GATAD2A: variants seen among roughly 807,000 people sequenced by gnomAD.
GATAD2A encodes GATA zinc finger domain containing 2A.
GATAD2A carries 12 observed loss-of-function variants against 68.5 expected under a neutral mutation model. The observed-to-expected ratio is 0.18, with a 90% confidence interval of 0.11 to 0.28. The LOEUF (loss-of-function observed/expected upper bound fraction) is 0.28, where lower values mean the gene tolerates loss of function less well. Among genes scored for constraint, GATAD2A ranks in the 10% least tolerant of loss-of-function variants. GATAD2A has a pLI of 1.00. For missense variants in GATAD2A, 755 were observed against 868.5 expected, an observed-to-expected ratio of 0.87 and a Z score of 1.64; for synonymous variants, 410 against 375.3, an observed-to-expected ratio of 1.09 and a Z score of -1.07.
intron 11 of GATAD2A, among the ~76,000 whole-genome samples, chr19:19,504,629 GTTTTTTTTTCCTTTTTTT>G (rs1023259194): frequency 6.9e-6 from 1 of 144,018 alleles, no homozygotes; most frequent in Non-Finnish European, 1.5e-5. Flanking sequence ...GTAGGAGATA[GTTTTTTTTTCCTTTTTTT>G]TTTTTTTTTT....
At chr19:19,408,451 T>A (rs1053228532) in intron 1 of GATAD2A, among the ~76,000 whole-genome samples, 2 of 152,250 alleles carry the variant, frequency 1.3e-5, no homozygotes, top group African/African-American at 4.8e-5. Context: ...TGTACCAGAA[T>A]GTCAATAAAG....
chr19:19,434,905 C>G (rs138312790), intron 1 of GATAD2A, among the ~76,000 whole-genome samples: 1 of 152,144 alleles, frequency 6.6e-6, no homozygotes, highest in Non-Finnish European at 1.5e-5. Context: ...GGGTGAAGTC[C>G]GCTCATTCCC....
intron 4 of GATAD2A, among the ~76,000 whole-genome samples, chr19:19,492,951 T>C (rs1273923268): frequency 6.6e-6 from 1 of 151,762 alleles, no homozygotes; most frequent in Admixed American, 6.6e-5. Context: ...CTTTTTTTTT[T>C]TTTTTTTTGA....
chr19:19,417,250 C>T (rs2051760194), intron 1 of GATAD2A, among the ~76,000 whole-genome samples: 1 of 152,134 alleles, frequency 6.6e-6, no homozygotes, highest in Non-Finnish European at 1.5e-5. Context: ...GGATGAGTGA[C>T]AGGGGTGCAG....
chr19:19,502,058 G>A lies in GATAD2A; in HGVS notation c.1578+15G>A. The A allele has an allele frequency of 6.2e-7, 1 of 1,604,284 alleles. No individual in the cohort carries two copies. The highest frequency in any genetic ancestry group is 8.5e-7 in the Non-Finnish European group (1 of 1,172,286). ...CTGTGCTACAGGTCAGAACCGCACT[G>A]GGCGCCGGGAGCCTCGCGCCCCCAC... On this transcript the variant is annotated intron_variant, in intron 10 of 11. Coordinates refer to ENST00000683918, the MANE Select transcript of GATAD2A (RefSeq NM_001384528.1).
intron 1 of GATAD2A, among the ~76,000 whole-genome samples, chr19:19,391,253 G>T (rs1215309769): frequency 2.6e-5 from 4 of 152,084 alleles, no homozygotes; most frequent in African/African-American, 9.7e-5. Flanking sequence ...GCCCCTGGTG[G>T]GCTGCTCCTA....
chr19:19,502,284 G>A (rs777223407), intron 10 of GATAD2A, 47 bp from the exon 11 acceptor site: 1 of 1,416,144 alleles, frequency 7.1e-7, no homozygotes, highest in Non-Finnish European at 9.8e-7. Context: ...CTCGCCTGCT[G>A]CTGTCTTTTC....
intron 1 of GATAD2A, among the ~76,000 whole-genome samples, chr19:19,387,004 C>A (rs2048482401): frequency 6.6e-6 from 1 of 152,092 alleles, no homozygotes; most frequent in East Asian, 1.9e-4. Context: ...TCTGAGGGAC[C>A]CCTGCCTCTT....
chr19:19,455,654 T>C (rs1214400742), intron 1 of GATAD2A, among the ~76,000 whole-genome samples: 1 of 152,126 alleles, frequency 6.6e-6, no homozygotes, highest in African/African-American at 2.4e-5. Context: ...TATGGAAGGA[T>C]GTACGTAGGT....
At chr19:19,492,559 C>T (rs771955845) in intron 3 of GATAD2A, 22 bp from the exon 4 acceptor site, 26 of 1,613,986 alleles carry the variant, frequency 1.6e-5, no homozygotes, top group Non-Finnish European at 2.1e-5. Flanking sequence ...CCCTCTCAAC[C>T]CTGTTCCTCT....
chr19:19,451,766 A>T (rs2147828003), intron 1 of GATAD2A, among the ~76,000 whole-genome samples: 1 of 152,372 alleles, frequency 6.6e-6, no homozygotes, highest in South Asian at 2.1e-4. Flanking sequence ...TGAGACAAGT[A>T]GATCAGTAGC....
chr19:19,452,092 C>A (rs1447739304), intron 1 of GATAD2A, among the ~76,000 whole-genome samples: 2 of 152,336 alleles, frequency 1.3e-5, no homozygotes, highest in South Asian at 4.1e-4. Flanking sequence ...TGAGTATATA[C>A]GTGTGTGTTG....
At chr19:19,422,962 C>T (rs910752013) in intron 1 of GATAD2A, among the ~76,000 whole-genome samples, 7 of 152,098 alleles carry the variant, frequency 4.6e-5, no homozygotes, top group Admixed American at 6.5e-5. Flanking sequence ...CTGCCCGCCT[C>T]GGCCTCCTGA....
At chr19:19,449,472 A>G (rs2147793488) in intron 1 of GATAD2A, among the ~76,000 whole-genome samples, 1 of 152,244 alleles carries the variant, frequency 6.6e-6, no homozygotes, top group Non-Finnish European at 1.5e-5. Flanking sequence ...CTACATGCAC[A>G]CATGCCACGA....
rs781419219 is a variant in GATAD2A, at chr19:19,465,633, C to T, written c.269+19C>T. The T allele has an allele frequency of 2.7e-5, 42 of 1,583,576 alleles. No individual in the cohort carries two copies. Among genetic ancestry groups the T allele is most frequent in the African/African-American group, 1.7e-4 (13 of 74,290 alleles). On this transcript the variant is annotated intron_variant, in intron 2 of 11. Coordinates refer to ENST00000683918, the MANE Select transcript of GATAD2A (RefSeq NM_001384528.1). Reference sequence around the variant, plus strand: ...CACACAGGTGAGTGGGAGGAGCCAGCGGGAGGGGCTGGAACCTGGAGACAA... The same window carrying T: ...CACACAGGTGAGTGGGAGGAGCCAGTGGGAGGGGCTGGAACCTGGAGACAA...
intron 1 of GATAD2A, among the ~76,000 whole-genome samples, chr19:19,446,048 A>G (rs954779064): frequency 6.6e-5 from 10 of 152,188 alleles, no homozygotes; most frequent in Admixed American, 5.2e-4. Flanking sequence ...ACCGTTTTCC[A>G]CATCACTCTA....
At chr19:19,444,416 G>C (rs889509323) in intron 1 of GATAD2A, among the ~76,000 whole-genome samples, 11 of 152,150 alleles carry the variant, frequency 7.2e-5, no homozygotes, top group African/African-American at 2.7e-4. Flanking sequence ...CCCCACTCCA[G>C]TGTTCTCCTT....
At chr19:19,432,167 G>A (rs1007256133) in intron 1 of GATAD2A, among the ~76,000 whole-genome samples, 22 of 152,056 alleles carry the variant, frequency 1.4e-4, no homozygotes, top group Admixed American at 6.5e-5. Context: ...TAGGGACAGG[G>A]TTTCTTCATG....
intron 2 of GATAD2A, among the ~76,000 whole-genome samples, chr19:19,474,729 A>T (rs1421204953): frequency 6.6e-6 from 1 of 152,208 alleles, no homozygotes; most frequent in Non-Finnish European, 1.5e-5. Flanking sequence ...CAGGGTTACA[A>T]ATTGTGTGTG....
Sources: gnomAD v4.1 joint callset for allele counts (sites outside exome capture counted in the v4.1 genomes callset) on GRCh38, gnomAD v4.1.1 for gene constraint, MANE v1.5 for transcripts, NCBI Gene and HGNC (gene_info 2026-07-23, HGNC 2026-07-21) for gene names.